Variants in ERBB4 observed in about 807,000 individuals in gnomAD.
ERBB4 encodes receptor tyrosine-protein kinase erbB-4.
In ERBB4, 42 loss-of-function variants were observed where a neutral mutation model predicts 158.0. The ratio of observed to expected loss-of-function variants is 0.27; its 90% CI spans 0.21 to 0.34. The LOEUF (loss-of-function observed/expected upper bound fraction) is 0.34, where lower values mean the gene tolerates loss of function less well. Ranked by LOEUF, ERBB4 falls within the 10% of genes least tolerant of loss-of-function variation. The pLI, the probability that ERBB4 is intolerant of heterozygous loss-of-function variation, is 1.00. For synonymous variants in ERBB4, 583 were observed against 558.7 expected, an observed-to-expected ratio of 1.04 and a Z score of -0.61; for missense variants, 1,333 against 1,624.1, an observed-to-expected ratio of 0.82 and a Z score of 3.08.
chr2:212,091,717 A>T (rs542773035), intron 2 of ERBB4, among the ~76,000 whole-genome samples: 1 of 152,312 alleles, frequency 6.6e-6, no homozygotes, highest in African/African-American at 2.4e-5. Flanking sequence ...AAATCATAAA[A>T]TATTAACAAT....
intron 1 of ERBB4, among the ~76,000 whole-genome samples, chr2:212,372,197 C>T (rs184538459): frequency 3.3e-5 from 5 of 152,186 alleles, no homozygotes; most frequent in Admixed American, 3.3e-4. Context: ...GGACATCAGA[C>T]ACAAAGTATA....
At chr2:211,638,275 A>G (rs891675748) in intron 16 of ERBB4, among the ~76,000 whole-genome samples, 6 of 152,084 alleles carry the variant, frequency 3.9e-5, no homozygotes, top group African/African-American at 1.4e-4. Flanking sequence ...CTTCCCCAAA[A>G]CAGTTCAGAT....
intron 1 of ERBB4, among the ~76,000 whole-genome samples, chr2:212,178,277 T>C (rs991086800): frequency 1.3e-5 from 2 of 151,634 alleles, no homozygotes; most frequent in Non-Finnish European, 2.9e-5. Flanking sequence ...TAACCCATAT[T>C]GGAGGATGTT....
At chr2:211,820,103 A>G (rs2076962475) in intron 3 of ERBB4, among the ~76,000 whole-genome samples, 1 of 151,930 alleles carries the variant, frequency 6.6e-6, no homozygotes, top group Non-Finnish European at 1.5e-5. Flanking sequence ...TGAGTAAGGT[A>G]CATAAACAGA....
intron 1 of ERBB4, among the ~76,000 whole-genome samples, chr2:212,499,701 T>C (rs1690777026): frequency 6.6e-6 from 1 of 152,036 alleles, no homozygotes; most frequent in Admixed American, 6.5e-5. Context: ...AATGTTGAAG[T>C]GGTGGTTCCC....
intron 2 of ERBB4, among the ~76,000 whole-genome samples, chr2:212,001,049 T>C (rs1402712): frequency 0.59 from 90,040 of 151,810 alleles, 29,705 homozygotes; most frequent in Non-Finnish European, 0.76. Flanking sequence ...GTTTTTCTAA[T>C]ATGAAATATG....
intron 20 of ERBB4, among the ~76,000 whole-genome samples, chr2:211,512,853 C>T (rs550959987): frequency 1.3e-5 from 2 of 152,174 alleles, no homozygotes; most frequent in African/African-American, 2.4e-5. Flanking sequence ...GATCTGTCTC[C>T]CTTCTAGGTG....
intron 9 of ERBB4, among the ~76,000 whole-genome samples, chr2:211,706,681 G>C: frequency 6.6e-6 from 1 of 151,658 alleles, no homozygotes; most frequent in East Asian, 1.9e-4. Flanking sequence ...ACAATGTACT[G>C]CTAGTTTAAC....
At chr2:212,322,798 G>A (rs543856602) in intron 1 of ERBB4, among the ~76,000 whole-genome samples, 1 of 150,368 alleles carries the variant, frequency 6.7e-6, no homozygotes, top group Non-Finnish European at 1.5e-5. Context: ...TTGAATAGTG[G>A]ATCATTATTG....
At chr2:211,735,611 A>G (rs2074575361) in intron 5 of ERBB4, among the ~76,000 whole-genome samples, 1 of 152,148 alleles carries the variant, frequency 6.6e-6, no homozygotes, top group East Asian at 1.9e-4. Context: ...AATGAAAACT[A>G]AGATATTACT....
chr2:212,038,639 C>A, intron 2 of ERBB4, among the ~76,000 whole-genome samples: 1 of 151,872 alleles, frequency 6.6e-6, no homozygotes, highest in East Asian at 1.9e-4. Flanking sequence ...TTTTTCTGAC[C>A]ACTGAATTGT....
intron 16 of ERBB4, among the ~76,000 whole-genome samples, chr2:211,637,784 A>ATTT (rs1347947441): frequency 6.6e-6 from 1 of 152,024 alleles, no homozygotes; most frequent in African/African-American, 2.4e-5. Flanking sequence ...ATAACATCAA[A>ATTT]TATAAATAGT....
Position 211,525,706 on chromosome 2 carries a change from C to T in ERBB4, c.2487+36197G>A, listed in dbSNP as rs76509106. Among the ~76,000 whole-genome samples, 11 of 152,064 alleles carry T rather than the reference C, an allele frequency of 7.2e-5. 1 individual carries two copies. The highest frequency in any genetic ancestry group is 1.3e-4 in the Admixed American group (2 of 15,288). ...TTCTGGACTTTCCCTGGGCCAAAAG[C>T]GAGCCCATTGCCCCGAAGGGTGAGT... is the stretch of plus-strand genomic sequence containing the variant. On this transcript the variant is annotated intron_variant, in intron 20 of 27. Coordinates refer to ENST00000342788, the MANE Select transcript of ERBB4 (RefSeq NM_005235.3).
chr2:212,238,894 T>C lies in ERBB4; in HGVS notation c.83-113991A>G, dbSNP rs146916051. On this transcript the variant is annotated intron_variant, in intron 1 of 27. Coordinates refer to ENST00000342788, the MANE Select transcript of ERBB4 (RefSeq NM_005235.3). ...TCTGAAATGTAATATTCGGGTCTTATGTAGAGTGCTAAGTATACTTACTCC... is the reference window on the plus strand; with the variant it reads ...TCTGAAATGTAATATTCGGGTCTTACGTAGAGTGCTAAGTATACTTACTCC... Among the ~76,000 whole-genome samples the C allele has an allele frequency of 3.7e-4, 57 of 152,262 alleles. No homozygotes were observed. The East Asian group carries it at 0.01, about 27-fold the overall frequency.
At chr2:211,760,373 G>A (rs2075379411) in intron 4 of ERBB4, among the ~76,000 whole-genome samples, 1 of 152,210 alleles carries the variant, frequency 6.6e-6, no homozygotes, top group African/African-American at 2.4e-5. Context: ...TAAAATGTTT[G>A]AAATACACTT....
intron 1 of ERBB4, among the ~76,000 whole-genome samples, chr2:212,347,717 A>G (rs189410739): frequency 6.6e-6 from 1 of 152,276 alleles, no homozygotes; most frequent in Non-Finnish European, 1.5e-5. Context: ...TTGGTGCTCA[A>G]TAAGTTTTGG....
intron 1 of ERBB4, among the ~76,000 whole-genome samples, chr2:212,266,376 G>T (rs1319400825): frequency 6.6e-6 from 1 of 151,976 alleles, no homozygotes; most frequent in Non-Finnish European, 1.5e-5. Context: ...AGGAAAGTCT[G>T]CATCAAAAAT....
rs768312275 is a variant in ERBB4 at position 211,384,054 on chromosome 2, A to G, written c.3488T>C (p.Leu1163Pro). 12 of 1,611,528 alleles carry G rather than the reference A, an allele frequency of 7.4e-6. No individual in the cohort carries two copies. Among genetic ancestry groups the G allele is most frequent in the Middle Eastern group, 1.7e-4 (1 of 6,056 alleles). Residue 1163 changes from leucine to proline, a missense_variant, in exon 28 of 28, where the codon CTG (leucine) becomes CCG (proline). Transcript: ENST00000342788. Reference protein sequence around the residue: ...PMRDKPKQEYLNPVEENPFVS... With the variant: ...PMRDKPKQEYPNPVEENPFVS... ...AAAAGGGTTCTCCTCCACTGGATTCAGGTATTCTAAAGGAATAAAAAAATA... is the reference window on the plus strand; with the variant it reads ...AAAAGGGTTCTCCTCCACTGGATTCGGGTATTCTAAAGGAATAAAAAAATA...
chr2:211,393,409 G>GCTAT (rs113074342), intron 25 of ERBB4, among the ~76,000 whole-genome samples: 10 of 152,214 alleles, frequency 6.6e-5, no homozygotes, highest in African/African-American at 2.4e-4. Flanking sequence ...TCCATAGTTG[G>GCTAT]CTATCTGACC....
Sources: gnomAD v4.1 joint callset for allele counts (sites outside exome capture counted in the v4.1 genomes callset) on GRCh38, gnomAD v4.1.1 for gene constraint, MANE v1.5 for transcripts, NCBI Gene and HGNC (gene_info 2026-07-23, HGNC 2026-07-21) for gene names.